Variants in IQCM observed in about 807,000 individuals in gnomAD.
The protein encoded by IQCM is IQ motif containing M, also known as IQ domain-containing protein M.
In IQCM, 45 loss-of-function variants were observed where a neutral mutation model predicts 57.6. The observed-to-expected ratio is 0.78, with a 90% confidence interval of 0.62 to 1.00. The LOEUF (loss-of-function observed/expected upper bound fraction) is 1.00, where lower values mean the gene tolerates loss of function less well. Ranked by LOEUF, IQCM falls within the 50% of genes least tolerant of loss-of-function variation. The pLI is 0.00. For missense variants in IQCM, 468 were observed against 511.6 expected, an observed-to-expected ratio of 0.91 and a Z score of 0.82; for synonymous variants, 148 against 158.9, an observed-to-expected ratio of 0.93 and a Z score of 0.51.
chr4:149,441,973 C>T (rs908135382), intron 12 of IQCM, among the ~76,000 whole-genome samples: 5 of 152,050 alleles, frequency 3.3e-5, no homozygotes, highest in Non-Finnish European at 2.9e-5. Flanking sequence ...TTAAGAAGGC[C>T]ATCACTTGTT....
chr4:149,596,099 C>T (rs2726762), intron 8 of IQCM, among the ~76,000 whole-genome samples: 32,232 of 151,948 alleles, frequency 0.21, 4,271 homozygotes, highest in Non-Finnish European at 0.28. Flanking sequence ...TTTATGTAGA[C>T]ATTTAAGCTA....
intron 13 of IQCM, among the ~76,000 whole-genome samples, chr4:149,427,321 T>C (rs1404986094): frequency 1.3e-5 from 2 of 152,026 alleles, no homozygotes; most frequent in Admixed American, 1.3e-4. Flanking sequence ...GAAATCATAA[T>C]GAAATATTAA....
intron 5 of IQCM, among the ~76,000 whole-genome samples, chr4:149,730,626 T>A (rs951912545): frequency 3.9e-5 from 6 of 152,232 alleles, no homozygotes; most frequent in African/African-American, 1.2e-4. Context: ...TAGAATTTTC[T>A]TTCTCTTTTG....
At chr4:149,800,077 T>C (rs1773472083) in intron 2 of IQCM, among the ~76,000 whole-genome samples, 1 of 151,732 alleles carries the variant, frequency 6.6e-6, no homozygotes, top group African/African-American at 2.4e-5. Context: ...CTCTGCTGCA[T>C]ATTGATGAAA....
chr4:149,595,859 T>C (rs963514273), intron 8 of IQCM, among the ~76,000 whole-genome samples: 12 of 152,134 alleles, frequency 7.9e-5, no homozygotes, highest in African/African-American at 2.7e-4. Flanking sequence ...CTTTGGAAGG[T>C]GGTCTTAAGT....
At chr4:149,780,511 GTAACTTTAAAATATGTAAGT>G (rs1771502535) in intron 2 of IQCM, among the ~76,000 whole-genome samples, 1 of 150,214 alleles carries the variant, frequency 6.7e-6, no homozygotes, top group Non-Finnish European at 1.5e-5. Context: ...CCTTAATGAA[GTAACTTTAAAATATGTAAGT>G]TATATATATA....
At chr4:149,481,899 A>G (rs1740937782) in intron 12 of IQCM, among the ~76,000 whole-genome samples, 1 of 125,926 alleles carries the variant, frequency 7.9e-6, no homozygotes, top group Non-Finnish European at 1.6e-5. Flanking sequence ...CTTTCAATGC[A>G]TTAACATGGA....
At chr4:149,373,761 T>C (rs1461777383) in intron 13 of IQCM, among the ~76,000 whole-genome samples, 2 of 152,072 alleles carry the variant, frequency 1.3e-5, no homozygotes, top group Non-Finnish European at 2.9e-5. Flanking sequence ...ATATTGTGGG[T>C]TGACTCCTCA....
intron 3 of IQCM, among the ~76,000 whole-genome samples, chr4:149,738,825 C>T (rs1767180972): frequency 6.6e-6 from 1 of 152,148 alleles, no homozygotes; most frequent in South Asian, 2.1e-4. Flanking sequence ...TAAAAAGTGG[C>T]CCTTGAACAA....
At chr4:149,793,849 C>T (rs1772866411) in intron 2 of IQCM, 1 of 152,212 alleles carries the variant, frequency 6.6e-6, no homozygotes, top group South Asian at 2.1e-4. Flanking sequence ...ATTCTAAATG[C>T]ATGCTACTGC....
In IQCM at chr4:149,621,142, C is replaced by T. The variant is rs553382950; in HGVS notation, c.668G>A (p.Arg223Gln). ...VSFSQSSSIFRDYYSKTFKTL... is the reference protein window; with the variant it reads ...VSFSQSSSIFQDYYSKTFKTL... ...ATAAATACTTACAGAATAATAATCCCGAAATATTGATGATGATTGAGAGAA... is the reference window on the plus strand; with the variant it reads ...ATAAATACTTACAGAATAATAATCCTGAAATATTGATGATGATTGAGAGAA... Residue 223 changes from arginine to glutamine, a missense_variant, in exon 8 of 14, where the codon CGG (arginine) becomes CAG (glutamine). Physicochemically the swap from Arg to Gln is conservative, Grantham distance 43 (BLOSUM62 1). Transcript: ENST00000636793. The T allele has an allele frequency of 1.1e-4, 131 of 1,223,708 alleles. No homozygotes were observed. In the South Asian group the frequency reaches 3.9e-3, roughly 37 times the overall value. The allele number at this position is 1,223,708 out of a possible 1,614,324, so 75.8% of individuals were successfully genotyped here. A position where few individuals can be genotyped will look rare whatever the true frequency, so the allele number is the denominator to read the frequency against.
intron 12 of IQCM, among the ~76,000 whole-genome samples, chr4:149,514,241 C>T (rs1040696211): frequency 7.9e-5 from 12 of 152,044 alleles, no homozygotes; most frequent in South Asian, 2.1e-4. Context: ...AATGATCTGC[C>T]CAAGTGATTC....
chr4:149,688,875 G>C (rs1183176300), intron 5 of IQCM, among the ~76,000 whole-genome samples: 1 of 152,006 alleles, frequency 6.6e-6, no homozygotes, highest in Non-Finnish European at 1.5e-5. Flanking sequence ...TCAACAAATG[G>C]TGCTGGGATA....
chr4:149,681,356 C>T (rs1408414891), intron 7 of IQCM, among the ~76,000 whole-genome samples: 1 of 151,208 alleles, frequency 6.6e-6, no homozygotes, highest in Non-Finnish European at 1.5e-5. Flanking sequence ...TAAAATACAT[C>T]TATTGCATAT....
At chr4:149,408,540 C>A (rs1367103844) in intron 13 of IQCM, among the ~76,000 whole-genome samples, 1 of 152,126 alleles carries the variant, frequency 6.6e-6, no homozygotes, top group African/African-American at 2.4e-5. Flanking sequence ...CTTTAGCAGT[C>A]ACTCAATCCC....
At chr4:149,528,328 G>T (rs894506764) in intron 12 of IQCM, among the ~76,000 whole-genome samples, 2 of 152,064 alleles carry the variant, frequency 1.3e-5, no homozygotes, top group Non-Finnish European at 2.9e-5. Context: ...CTCAACTGAG[G>T]CACCATGTAG....
intron 5 of IQCM, among the ~76,000 whole-genome samples, chr4:149,695,313 T>C (rs1411721755): frequency 3.3e-5 from 5 of 152,222 alleles, no homozygotes; most frequent in African/African-American, 4.8e-5. Context: ...ATTATGAAGT[T>C]AACATTCTTA....
intron 12 of IQCM, among the ~76,000 whole-genome samples, chr4:149,510,021 G>T (rs1338224897): frequency 1.3e-5 from 2 of 152,032 alleles, no homozygotes; most frequent in African/African-American, 4.8e-5. Flanking sequence ...GAGTCTGTTT[G>T]CTAGGAAAAT....
chr4:149,377,498 G>A (rs756382295), intron 13 of IQCM, among the ~76,000 whole-genome samples: 1 of 152,006 alleles, frequency 6.6e-6, no homozygotes, highest in Non-Finnish European at 1.5e-5. Context: ...CTCTGACCTG[G>A]AATCATATTC....
Sources: gnomAD v4.1 joint callset for allele counts (sites outside exome capture counted in the v4.1 genomes callset) on GRCh38, gnomAD v4.1.1 for gene constraint, MANE v1.5 for transcripts, NCBI Gene and HGNC (gene_info 2026-07-23, HGNC 2026-07-21) for gene names.